The following BEGAIN variants were observed in gnomAD, a reference collection of about 807,000 sequenced individuals.
The protein encoded by BEGAIN is brain-enriched guanylate kinase-associated protein.
Under a neutral mutation model 35.8 loss-of-function variants are expected in BEGAIN, and 19 were observed. The ratio of observed to expected loss-of-function variants is 0.53; its 90% CI spans 0.37 to 0.78. The LOEUF is 0.78. BEGAIN is among the 30% of genes least tolerant of loss of function. The pLI is 0.00. For synonymous variants in BEGAIN, 462 were observed against 388.6 expected, an observed-to-expected ratio of 1.19 and a Z score of -2.22; for missense variants, 795 against 853.6, an observed-to-expected ratio of 0.93 and a Z score of 0.85.
In BEGAIN at chr14:100,567,294, C is replaced by T. The variant is rs1478742476; in HGVS notation, c.71+617G>A. On this transcript the variant is annotated intron_variant, in intron 2 of 6. Transcript: ENST00000554140. The surrounding 1 kb of genome is among the most constrained non-coding windows in gnomAD (Gnocchi z 5.1). The stretch of plus-strand genomic sequence containing the variant: ...GCGCAGGTGGTCCCGTGAAGTCTAC[C>T]AAGGCTTAAAGTTTGGCACCGGGAG... 6.6e-6 allele frequency among the ~76,000 whole-genome samples: 1 copy of T among 152,182 alleles called. No homozygotes were observed. Among genetic ancestry groups the T allele is most frequent in the Non-Finnish European group, 1.5e-5 (1 of 68,018 alleles).
At position 100,547,460 on chromosome 14, in the gene BEGAIN, A is replaced by G. The variant is rs1220358800; in HGVS notation, c.72-798T>C. The G allele has an allele frequency of 5.9e-5, 9 of 152,366 alleles. No homozygotes were observed. In the East Asian group the frequency reaches 1.5e-3, roughly 26 times the overall value. 9.4% of individuals were successfully genotyped at this position (152,366 alleles called of 1,614,324 possible). ...CATGCTCAGGAAACAGAGACCCACTATGACCCACTCTTCCGAGCCACCTGC... is the reference window on the plus strand; with the variant it reads ...CATGCTCAGGAAACAGAGACCCACTGTGACCCACTCTTCCGAGCCACCTGC... On this transcript the variant is annotated intron_variant, in intron 2 of 6. Coordinates refer to ENST00000554140, the MANE Select transcript of BEGAIN (RefSeq NM_001385089.1).
intron 1 of BEGAIN, among the ~76,000 whole-genome samples, chr14:100,575,761 G>A (rs945241916): frequency 2.0e-5 from 3 of 152,112 alleles, no homozygotes; most frequent in Non-Finnish European, 4.4e-5. Flanking sequence ...GTCAAGCTGG[G>A]TTCCCGGGTG....
In BEGAIN at chr14:100,537,990, G is replaced by A; in HGVS notation, c.1818C>T (p.Leu606=). The A allele has an allele frequency of 6.2e-7, 1 of 1,609,566 alleles. No individual in the cohort carries two copies. Among genetic ancestry groups the A allele is most frequent in the South Asian group, 1.1e-5 (1 of 90,662 alleles). ...GCGCTCAGTTGAGCAAGGTTCCGTA[G>A]AGCTGGGCCTTGGTGAGGCTGTCCT... ...SRKDSLTKAQ[L]YGTLLN The change falls in exon 7 of 7, where the codon CTC becomes CTT. Residue 606 remains leucine (L), a synonymous_variant. Transcript: ENST00000554140.
Position 100,586,447 on chromosome 14 carries a change from A to C in BEGAIN, c.42+802T>G, listed in dbSNP as rs2035446814. 6.6e-6 allele frequency among the ~76,000 whole-genome samples: 1 copy of C among 152,164 alleles called. No homozygotes were observed. Among genetic ancestry groups the C allele is most frequent in the Non-Finnish European group, 1.5e-5 (1 of 68,034 alleles). ...CACTCTGCTCCCATTCTGCCGGCTC[A>C]GGAGACTCCAGCGCGTCGCCCACGC... On this transcript the variant is annotated intron_variant, in intron 1 of 6. Transcript: ENST00000554140. The surrounding 1 kb of genome is among the most constrained non-coding windows in gnomAD (Gnocchi z 4.9).
At chr14:100,561,439 A>G (rs1220980204) in intron 2 of BEGAIN, among the ~76,000 whole-genome samples, 3 of 152,176 alleles carry the variant, frequency 2.0e-5, no homozygotes, top group Admixed American at 6.5e-5. Flanking sequence ...TGGCACTGAG[A>G]GTCAGAAAGC....
At chr14:100,560,230 C>T (rs2139645176) in intron 2 of BEGAIN, among the ~76,000 whole-genome samples, 2 of 152,338 alleles carry the variant, frequency 1.3e-5, no homozygotes, top group South Asian at 4.1e-4. Context: ...AGCCAGCCCC[C>T]AGATGCTCCT....
intron 2 of BEGAIN, among the ~76,000 whole-genome samples, chr14:100,565,579 A>G (rs1338230538): frequency 6.6e-6 from 1 of 152,058 alleles, no homozygotes; most frequent in African/African-American, 2.4e-5. Flanking sequence ...TCAGAGCTCA[A>G]TCCAGACCCA....
intron 2 of BEGAIN, among the ~76,000 whole-genome samples, chr14:100,562,112 A>G (rs2034308996): frequency 1.3e-5 from 2 of 152,134 alleles, no homozygotes; most frequent in Non-Finnish European, 2.9e-5. Flanking sequence ...GCCTTGAAGG[A>G]TCACACTCCG....
In BEGAIN at chr14:100,538,395, G is replaced by A. The variant is rs1161032027; in HGVS notation, c.1413C>T (p.Ala471=). Residue 471 remains alanine (A), a synonymous_variant, in exon 7 of 7, where the codon GCC becomes GCT. Coordinates refer to ENST00000554140, the MANE Select transcript of BEGAIN (RefSeq NM_001385089.1). The stretch of plus-strand genomic sequence containing the variant: ...CGGCCTTCTTGCCCGGGCTGCCCCC[G>A]GCCCCGCCGTAGTAGCGTTCAGAGA... The part of the protein sequence containing the change: ...CSFSERYYGG[A]GGSPGKKADG... 4.6e-6 allele frequency: 7 copies of A among 1,533,630 alleles called. No individual in the cohort carries two copies. In the Admixed American group the frequency reaches 6.3e-5, roughly 14 times the overall value.
intron 1 of BEGAIN, among the ~76,000 whole-genome samples, chr14:100,580,550 C>T (rs1387522793): frequency 6.6e-6 from 1 of 152,134 alleles, no homozygotes; most frequent in Admixed American, 6.5e-5. Context: ...CTCACTCTCT[C>T]CCTTCCCCTC....
At chr14:100,549,599 A>G (rs2032967753) in intron 2 of BEGAIN, 1 of 152,276 alleles carries the variant, frequency 6.6e-6, no homozygotes, top group African/African-American at 2.4e-5. Flanking sequence ...ACACCGGGCA[A>G]TAACCCGAGC....
At chr14:100,555,456 T>C (rs1029090689) in intron 2 of BEGAIN, among the ~76,000 whole-genome samples, 2 of 152,214 alleles carry the variant, frequency 1.3e-5, no homozygotes, top group African/African-American at 2.4e-5. Flanking sequence ...AGCAGACCAC[T>C]TCCAACAGAA....
At chr14:100,582,773 C>T (rs1177508449) in intron 1 of BEGAIN, among the ~76,000 whole-genome samples, 1 of 151,974 alleles carries the variant, frequency 6.6e-6, no homozygotes, top group African/African-American at 2.4e-5. Flanking sequence ...GTGGGTCTTC[C>T]AGGGCAAAGC....
chr14:100,537,733 C>T lies in BEGAIN; in HGVS notation c.*236G>A, dbSNP rs978633002. On this transcript the variant is annotated 3_prime_UTR_variant, in exon 7 of 7. Coordinates refer to ENST00000554140, the MANE Select transcript of BEGAIN (RefSeq NM_001385089.1). ...GCTCCTCTCACATGGGGGAAGGACG[C>T]GTGAAAAACGCTCTAAGTGGAGTTC... 6.0e-6 allele frequency: 3 copies of T among 503,648 alleles called. No homozygotes were observed. The highest frequency in any genetic ancestry group is 3.8e-5 in the Admixed American group (1 of 26,068). The allele number at this position is 503,648 out of a possible 1,614,324, so 31.2% of individuals were successfully genotyped here. A position where few individuals can be genotyped will look rare whatever the true frequency, so the allele number is the denominator to read the frequency against.
At chr14:100,561,056 C>T (rs1313268200) in intron 2 of BEGAIN, among the ~76,000 whole-genome samples, 1 of 152,184 alleles carries the variant, frequency 6.6e-6, no homozygotes, top group Non-Finnish European at 1.5e-5. Flanking sequence ...GGAGGGGGAG[C>T]CCCATGCGGG....
intron 2 of BEGAIN, among the ~76,000 whole-genome samples, chr14:100,562,718 C>T (rs945907182): frequency 6.6e-6 from 1 of 152,184 alleles, no homozygotes. Context: ...GTGCCTTGAC[C>T]CGGTGGCACC....
intron 1 of BEGAIN, among the ~76,000 whole-genome samples, chr14:100,570,729 G>A (rs2035054565): frequency 1.3e-5 from 2 of 152,222 alleles, no homozygotes; most frequent in Admixed American, 1.3e-4. Flanking sequence ...CTACGCCCTC[G>A]GGGACAGTCT....
chr14:100,544,451 A>G (rs1344345578), intron 4 of BEGAIN, among the ~76,000 whole-genome samples: 1 of 152,232 alleles, frequency 6.6e-6, no homozygotes, highest in Non-Finnish European at 1.5e-5. Flanking sequence ...TGGTCACCAA[A>G]GTAGAAAGAA....
At chr14:100,544,489 G>C (rs2032094520) in intron 4 of BEGAIN, among the ~76,000 whole-genome samples, 1 of 152,242 alleles carries the variant, frequency 6.6e-6, no homozygotes, top group African/African-American at 2.4e-5. Flanking sequence ...TAGTGAGGGA[G>C]TGGCACCAGA....
Sources: gnomAD v4.1 joint callset for allele counts (sites outside exome capture counted in the v4.1 genomes callset) on GRCh38, gnomAD v4.1.1 for gene constraint, Gnocchi (gnomAD v3.1) non-coding constraint, MANE v1.5 for transcripts, NCBI Gene and HGNC (gene_info 2026-07-23, HGNC 2026-07-21) for gene names.